Variants in ADAMTS17 observed in about 807,000 individuals in gnomAD.
ADAMTS17 encodes ADAM metallopeptidase with thrombospondin type 1 motif 17, also known as A disintegrin and metalloproteinase with thrombospondin motifs 17.
In ADAMTS17, 113 loss-of-function variants were observed where a neutral mutation model predicts 141.5. That is an observed-to-expected ratio of 0.80 (90% confidence interval 0.69 to 0.93). The LOEUF is 0.93. Among genes scored for constraint, ADAMTS17 ranks in the 40% least tolerant of loss-of-function variants. The probability of loss-of-function intolerance (pLI) is 0.00; values close to 1 mark genes in which losing one functional copy is unlikely to be tolerated. For synonymous variants in ADAMTS17, 768 were observed against 630.6 expected, an observed-to-expected ratio of 1.22 and a Z score of -3.27; for missense variants, 1,659 against 1,517.9, an observed-to-expected ratio of 1.09 and a Z score of -1.54.
chr15:100,313,473 G>T (rs1330599285), intron 3 of ADAMTS17, among the ~76,000 whole-genome samples: 1 of 152,200 alleles, frequency 6.6e-6, no homozygotes, highest in African/African-American at 2.4e-5. Flanking sequence ...TGATACCCAT[G>T]TCCAATTTTA....
At chr15:100,244,718 G>A (rs1002611466) in intron 7 of ADAMTS17, among the ~76,000 whole-genome samples, 3 of 152,054 alleles carry the variant, frequency 2.0e-5, no homozygotes, top group African/African-American at 7.2e-5. Flanking sequence ...CTCAGCCTGC[G>A]ATTTCCTCGG....
rs754524824 is a variant in ADAMTS17 at position 100,261,554 on chromosome 15, C to T, written c.956G>A (p.Arg319Gln). Reference sequence around the variant, plus strand: ...GGGAACCTGGTTATTGCCGAGGTATCGCGCTCCTCCATACTCCTCGTTCTG... The same window carrying T: ...GGGAACCTGGTTATTGCCGAGGTATTGCGCTCCTCCATACTCCTCGTTCTG... Reference protein sequence around the residue: ...HWQNEEYGGARYLGNNQVPGG... With the variant: ...HWQNEEYGGAQYLGNNQVPGG... The change falls in exon 6 of 22, where the codon CGA (arginine) becomes CAA (glutamine). Residue 319 changes from arginine to glutamine, a missense_variant. Transcript: ENST00000268070. The T allele has an allele frequency of 1.6e-5, 26 of 1,614,034 alleles. No individual in the cohort carries two copies. Among genetic ancestry groups the T allele is most frequent in the East Asian group, 4.5e-5 (2 of 44,888 alleles).
chr15:100,111,698 G>C (rs2036792745), intron 13 of ADAMTS17, among the ~76,000 whole-genome samples: 1 of 152,244 alleles, frequency 6.6e-6, no homozygotes. Context: ...ATTGAGCTTT[G>C]AGGTGATTTG....
chr15:99,999,340 C>T (rs978979093), intron 18 of ADAMTS17, among the ~76,000 whole-genome samples: 7 of 152,176 alleles, frequency 4.6e-5, no homozygotes, highest in Admixed American at 6.5e-5. Flanking sequence ...AGTCAAGCAG[C>T]GTGAGCAGAA....
intron 6 of ADAMTS17, among the ~76,000 whole-genome samples, chr15:100,259,757 A>C (rs903908201): frequency 5.9e-5 from 9 of 152,258 alleles, no homozygotes; most frequent in Non-Finnish European, 1.0e-4. Context: ...AAGCATACTC[A>C]GGGCTGGCAA....
chr15:100,166,894 C>T (rs2039971764), intron 8 of ADAMTS17, among the ~76,000 whole-genome samples: 1 of 152,238 alleles, frequency 6.6e-6, no homozygotes, highest in Admixed American at 6.5e-5. Flanking sequence ...GTGAGTGACA[C>T]ACAGCCTCTG....
At chr15:100,044,801 A>T (rs1365198368) in intron 18 of ADAMTS17, among the ~76,000 whole-genome samples, 1 of 141,650 alleles carries the variant, frequency 7.1e-6, no homozygotes, top group Non-Finnish European at 1.5e-5. Context: ...TGGATATATA[A>T]TTTGGATTTT....
intron 15 of ADAMTS17, among the ~76,000 whole-genome samples, chr15:100,068,791 A>C (rs1484077010): frequency 2.0e-5 from 3 of 152,204 alleles, no homozygotes; most frequent in Non-Finnish European, 4.4e-5. Flanking sequence ...ATAAAACCAC[A>C]AACATGGGGA....
At chr15:100,089,244 A>G (rs1281414793) in intron 15 of ADAMTS17, among the ~76,000 whole-genome samples, 1 of 134,812 alleles carries the variant, frequency 7.4e-6, no homozygotes, top group Non-Finnish European at 1.5e-5. Flanking sequence ...AATGCTCATC[A>G]TCACTGGCCA....
intron 3 of ADAMTS17, among the ~76,000 whole-genome samples, chr15:100,309,185 T>G (rs1182491945): frequency 1.3e-5 from 2 of 152,096 alleles, no homozygotes; most frequent in East Asian, 3.9e-4. Context: ...CAGTGAGACC[T>G]CATCTCCACA....
intron 18 of ADAMTS17, among the ~76,000 whole-genome samples, chr15:100,024,031 T>G (rs1392921912): frequency 6.6e-6 from 1 of 152,240 alleles, no homozygotes; most frequent in Non-Finnish European, 1.5e-5. Flanking sequence ...TTGTATACTG[T>G]GCATCGCTAT....
chr15:100,052,750 ACACATT>A (rs565897692), intron 16 of ADAMTS17, among the ~76,000 whole-genome samples: 33 of 152,358 alleles, frequency 2.2e-4, no homozygotes, highest in African/African-American at 7.9e-4. Flanking sequence ...TGACTTAGGT[ACACATT>A]CTTGGGTCCC....
At chr15:100,126,699 A>G (rs1450544879) in intron 12 of ADAMTS17, among the ~76,000 whole-genome samples, 12 of 152,226 alleles carry the variant, frequency 7.9e-5, no homozygotes, top group African/African-American at 2.2e-4. Flanking sequence ...TTTTGGAGGC[A>G]CTGGTATTGC....
intron 21 of ADAMTS17, 74 bp downstream of exon 21, chr15:99,975,971 T>A: frequency 2.0e-6 from 3 of 1,466,340 alleles, no homozygotes; most frequent in Non-Finnish European, 2.7e-6. Flanking sequence ...TGAAAGAACC[T>A]CACCGTCAGG....
At chr15:100,311,786 C>A (rs1179744349) in intron 3 of ADAMTS17, among the ~76,000 whole-genome samples, 1 of 151,658 alleles carries the variant, frequency 6.6e-6, no homozygotes, top group Non-Finnish European at 1.5e-5. Flanking sequence ...AGCCTCACAT[C>A]TGGGTTCTCA....
intron 19 of ADAMTS17, among the ~76,000 whole-genome samples, chr15:99,996,088 C>T (rs930004621): frequency 1.4e-5 from 2 of 147,758 alleles, no homozygotes; most frequent in Non-Finnish European, 3.0e-5. Context: ...GAGTTTCGCT[C>T]TTGTTGCCCA....
Position 100,163,048 on chromosome 15 carries a change from CTATA to C in ADAMTS17, c.1182-7732_1182-7729del, listed in dbSNP as rs990376947. On this transcript the variant is annotated intron_variant, in intron 8 of 21. Coordinates refer to ENST00000268070, the MANE Select transcript of ADAMTS17 (RefSeq NM_139057.4). The stretch of plus-strand genomic sequence containing the variant: ...TATGTATATATATGTGTATATATAA[CTATA>C]TATGTATATATATGTGTATACATAT... Among the ~76,000 whole-genome samples the C allele has an allele frequency of 2.8e-5, 4 of 145,016 alleles. 1 individual carries two copies. In the South Asian group the frequency reaches 8.7e-4, roughly 32 times the overall value.
intron 15 of ADAMTS17, among the ~76,000 whole-genome samples, chr15:100,058,488 C>A (rs886253138): frequency 2.0e-5 from 3 of 152,212 alleles, no homozygotes; most frequent in African/African-American, 7.2e-5. Flanking sequence ...AACCTACAAA[C>A]TACCCCACTT....
At chr15:100,138,077 C>T (rs1203564353) in intron 10 of ADAMTS17, among the ~76,000 whole-genome samples, 1 of 152,234 alleles carries the variant, frequency 6.6e-6, no homozygotes, top group Non-Finnish European at 1.5e-5. Context: ...TGGCCTATCT[C>T]AGATAGAACA....
Sources: allele counts gnomAD v4.1 joint callset (sites outside exome capture counted in the v4.1 genomes callset), GRCh38; gene constraint gnomAD v4.1.1; transcripts MANE v1.5; gene names NCBI Gene and HGNC (gene_info 2026-07-23, HGNC 2026-07-21).